Variants in CENPK observed in about 807,000 individuals in gnomAD.
CENPK encodes the protein centromere protein K, also known as SoxLZ/Sox6-binding protein Solt.
A neutral mutation model predicts 40.9 loss-of-function variants in CENPK; 46 were observed. The ratio of observed to expected loss-of-function variants is 1.13; its 90% CI spans 0.89 to 1.44. The LOEUF is 1.44. Among genes scored for constraint, CENPK ranks in the 40% most tolerant of loss-of-function variants. The pLI is 0.00. For missense variants in CENPK, 288 were observed against 303.5 expected, an observed-to-expected ratio of 0.95 and a Z score of 0.38; for synonymous variants, 107 against 104.4, an observed-to-expected ratio of 1.02 and a Z score of -0.15.
At chr5:65,514,962 T>A (rs61449298), downstream of CENPK, among the ~76,000 whole-genome samples, 61,372 of 151,512 alleles carry the variant, frequency 0.41, 12,712 homozygotes, top group East Asian at 0.65. Context: ...TTTGTTATGG[T>A]AAAAGTTTTA....
At position 65,518,314 on chromosome 5, in the gene CENPK, TA is replaced by T; in HGVS notation, c.*160del. The T allele has an allele frequency of 1.6e-6, 1 of 645,144 alleles. No homozygotes were observed. The highest frequency in any genetic ancestry group is 2.6e-6 in the Non-Finnish European group (1 of 388,314). The allele number at this position is 645,144 out of a possible 1,614,324, so 40.0% of individuals were successfully genotyped here. A position where few individuals can be genotyped will look rare whatever the true frequency, so the allele number is the denominator to read the frequency against. ...ACTCACTGAATAAGAAATGACCATT[TA>T]AAAATGAATAATAGATGGCAGCACA... On this transcript the variant is annotated 3_prime_UTR_variant, in exon 11 of 11. Transcript: ENST00000396679.
chr5:65,496,832 T>C, the CENPK span, among the ~76,000 whole-genome samples: 7 of 151,940 alleles, frequency 4.6e-5, no homozygotes, highest in African/African-American at 1.2e-4. Flanking sequence ...GGTAGGTAGA[T>C]CACAAGGTCA....
At chr5:65,527,625 T>C (rs1490582844) in intron 9 of CENPK, among the ~76,000 whole-genome samples, 2 of 149,788 alleles carry the variant, frequency 1.3e-5, no homozygotes, top group Non-Finnish European at 1.5e-5. Context: ...TATTTCATTA[T>C]AGCTACTATT....
At chr5:65,520,926 G>A (rs1199143103) in intron 10 of CENPK, among the ~76,000 whole-genome samples, 1 of 152,086 alleles carries the variant, frequency 6.6e-6, no homozygotes, top group Non-Finnish European at 1.5e-5. Flanking sequence ...AAACATTTTT[G>A]AAAAGGTCAA....
At chr5:65,516,806 A>G (rs1742891993), downstream of CENPK, among the ~76,000 whole-genome samples, 1 of 152,146 alleles carries the variant, frequency 6.6e-6, no homozygotes, top group Admixed American at 6.5e-5. Flanking sequence ...TTCACTTACT[A>G]ATTTTTGAGT....
chr5:65,504,412 G>A, the CENPK span, among the ~76,000 whole-genome samples: 2 of 143,794 alleles, frequency 1.4e-5, no homozygotes, highest in Admixed American at 1.5e-4. Flanking sequence ...GGCCAAGATC[G>A]TGCCATTGCC....
At chr5:65,535,732 G>A (rs923081548) in intron 6 of CENPK, among the ~76,000 whole-genome samples, 7 of 152,156 alleles carry the variant, frequency 4.6e-5, no homozygotes, top group African/African-American at 1.7e-4. Flanking sequence ...ACTTTAATAA[G>A]CTGCAACCAA....
At chr5:65,500,606 T>C in the CENPK span, among the ~76,000 whole-genome samples, 1 of 152,192 alleles carries the variant, frequency 6.6e-6, no homozygotes, top group Non-Finnish European at 1.5e-5. Flanking sequence ...TTTGATTTCA[T>C]CATATTTTGT....
the CENPK span, among the ~76,000 whole-genome samples, chr5:65,498,708 G>A: frequency 6.7e-6 from 1 of 148,898 alleles, no homozygotes; most frequent in Non-Finnish European, 1.5e-5. Flanking sequence ...CCAGGGTGGA[G>A]TGCAGTGGCA....
the CENPK span, among the ~76,000 whole-genome samples, chr5:65,507,213 C>A: frequency 5.9e-4 from 89 of 152,094 alleles, 1 homozygote; most frequent in East Asian, 4.8e-3. Flanking sequence ...TCCACCAGAA[C>A]AAGAGAAGCC....
At chr5:65,520,872 C>T (rs989968138) in intron 10 of CENPK, among the ~76,000 whole-genome samples, 1 of 152,132 alleles carries the variant, frequency 6.6e-6, no homozygotes, top group Non-Finnish European at 1.5e-5. Context: ...ATATCAAGAT[C>T]TTCCAAAGTA....
the CENPK span, among the ~76,000 whole-genome samples, chr5:65,507,818 T>C: frequency 1.3e-5 from 2 of 152,240 alleles, no homozygotes; most frequent in African/African-American, 4.8e-5. Context: ...ACCTTACAAG[T>C]AATTATTAAT....
At chr5:65,497,048 A>G in the CENPK span, among the ~76,000 whole-genome samples, 1 of 150,262 alleles carries the variant, frequency 6.7e-6, no homozygotes, top group Admixed American at 6.6e-5. Context: ...CAAGAGTGAG[A>G]CTCCGTCTCC....
Position 65,518,302 on chromosome 5 carries a change from G to C in CENPK, c.*173C>G. 3.3e-6 allele frequency: 2 copies of C among 608,618 alleles called. No individual in the cohort carries two copies. Among genetic ancestry groups the C allele is most frequent in the Non-Finnish European group, 5.6e-6 (2 of 358,962 alleles). 37.7% of individuals were successfully genotyped at this position (608,618 alleles called of 1,614,324 possible). A position where few individuals can be genotyped will look rare whatever the true frequency, so the allele number is the denominator to read the frequency against. On this transcript the variant is annotated 3_prime_UTR_variant, in exon 11 of 11. Coordinates refer to ENST00000396679, the MANE Select transcript of CENPK (RefSeq NM_022145.5). Reference sequence around the variant, plus strand: ...AAACACTAAAGCACTCACTGAATAAGAAATGACCATTTAAAAATGAATAAT... The same window carrying C: ...AAACACTAAAGCACTCACTGAATAACAAATGACCATTTAAAAATGAATAAT...
chr5:65,558,573 A>G (rs1751379043), intron 2 of CENPK, among the ~76,000 whole-genome samples: 2 of 152,254 alleles, frequency 1.3e-5, no homozygotes, highest in African/African-American at 4.8e-5. Context: ...TTAAGAGCAC[A>G]GGAAAAGAGA....
the CENPK span, among the ~76,000 whole-genome samples, chr5:65,512,437 A>T: frequency 6.6e-6 from 1 of 152,180 alleles, no homozygotes; most frequent in Non-Finnish European, 1.5e-5. Context: ...ATTTTAAGAA[A>T]TGGCCACAGC....
At chr5:65,502,030 C>A in the CENPK span, among the ~76,000 whole-genome samples, 47 of 152,294 alleles carry the variant, frequency 3.1e-4, no homozygotes, top group African/African-American at 1.1e-3. Flanking sequence ...ACTCCCAACT[C>A]AGTCTTCTCT....
chr5:65,510,673 G>C, the CENPK span, among the ~76,000 whole-genome samples: 3 of 152,020 alleles, frequency 2.0e-5, no homozygotes, highest in Admixed American at 1.3e-4. Context: ...CTACTCGGGA[G>C]GCTGAGGCAG....
intron 6 of CENPK, among the ~76,000 whole-genome samples, chr5:65,538,349 T>G (rs986755015): frequency 1.3e-5 from 2 of 152,196 alleles, no homozygotes; most frequent in East Asian, 3.8e-4. Context: ...TTACTATGAA[T>G]GCTATGTTTA....
Sources: gnomAD v4.1 joint callset for allele counts (sites outside exome capture counted in the v4.1 genomes callset) on GRCh38, gnomAD v4.1.1 for gene constraint, MANE v1.5 for transcripts, NCBI Gene and HGNC (gene_info 2026-07-23, HGNC 2026-07-21) for gene names.